The following NR5A1 variants were observed in gnomAD, a reference collection of about 807,000 sequenced individuals.
The protein encoded by NR5A1 is nuclear receptor subfamily 5 group A member 1.
NR5A1 carries 6 observed loss-of-function variants against 42.7 expected under a neutral mutation model. That is an observed-to-expected ratio of 0.14 (90% CI 0.08 to 0.28). The LOEUF is 0.28. Ranked by LOEUF, NR5A1 falls within the 10% of genes least tolerant of loss-of-function variation. The pLI is 1.00. For synonymous variants in NR5A1, 274 were observed against 277.5 expected (o/e 0.99, Z 0.12); for missense variants, 442 against 626.4 (o/e 0.71, Z 3.14).
intron 1 of NR5A1, among the ~76,000 whole-genome samples, chr9:124,505,150 C>T (rs1488148915): frequency 6.6e-6 from 1 of 152,212 alleles, no homozygotes; most frequent in African/African-American, 2.4e-5. Context: ...AGCCGCAGCC[C>T]GGCTCCCCGG....
At chr9:124,497,581 T>A (rs1832406450) in intron 4 of NR5A1, among the ~76,000 whole-genome samples, 1 of 152,160 alleles carries the variant, frequency 6.6e-6, no homozygotes, top group Admixed American at 6.5e-5. Context: ...CAAGATGTCA[T>A]CAGCATCAGA....
rs74535046 is a variant in NR5A1 at position 124,500,293 on chromosome 9, C to T, written c.667G>A (p.Val223Met). ...YPEPFSGGPN[V>M]PELILQLLQL... ...AGCAGCTGCAGGATGAGCTCAGGCA[C>T]GTTGGGCCCTCCAGAGAAGGGCTCT... The change falls in exon 4 of 7, where the codon GTG becomes ATG. Residue 223 changes from valine (V) to methionine (M), a missense_variant. By Grantham distance (21) the Val-to-Met change is conservative. This residue lies in a region of NR5A1 where 208 missense variants were observed against 203.8 expected (regional missense o/e 1.02). Coordinates refer to ENST00000373588, the MANE Select transcript of NR5A1 (RefSeq NM_004959.5). This position sits in a 1 kb window ranked among gnomAD's most constrained non-coding sequence, Gnocchi z 6.9. 73 of 1,568,180 alleles carry T rather than the reference C, an allele frequency of 4.7e-5. No individual in the cohort carries two copies. The highest frequency in any genetic ancestry group is 3.8e-4 in the African/African-American group (28 of 73,848).
At chr9:124,487,722 C>T (rs950591295) in intron 6 of NR5A1, among the ~76,000 whole-genome samples, 2 of 152,228 alleles carry the variant, frequency 1.3e-5, no homozygotes, top group Non-Finnish European at 2.9e-5. Flanking sequence ...TGCGCGCCAG[C>T]TGGAGGTCTG....
At chr9:124,502,233 C>A (rs188039763) in intron 3 of NR5A1, among the ~76,000 whole-genome samples, 1 of 152,206 alleles carries the variant, frequency 6.6e-6, no homozygotes, top group Non-Finnish European at 1.5e-5. Flanking sequence ...TTGCCTGCAC[C>A]GATCCCCACA....
intron 6 of NR5A1, 45 bp downstream of exon 6, chr9:124,491,036 C>CCCCCCCCCCCGG: frequency 7.1e-7 from 1 of 1,401,602 alleles, no homozygotes; most frequent in East Asian, 3.0e-5. Context: ...CCCACCCACC[C>CCCCCCCCCCCGG]GCCTCTGGCT....
In NR5A1 at chr9:124,493,034, T is replaced by C; in HGVS notation, c.986A>G (p.Gln329Arg). The change falls in exon 5 of 7, where the codon CAG becomes CGG. Residue 329 changes from glutamine (Q) to arginine (R), a missense_variant. Around this residue, in one of 3 missense-constraint regions of NR5A1, gnomAD observed 163 missense variants for 265.8 expected, o/e 0.61. Transcript: ENST00000373588. ...CGGGGCCGAGGGACTGGTCACCTCC[T>C]GCCCGGTGACCAGCAGGATGCTGCC... ...KEGSILLVTG[Q>R]EVELTTVATQ... is the part of the protein sequence containing the mutation. The C allele has an allele frequency of 6.3e-7, 1 of 1,598,366 alleles. No homozygotes were observed. The highest frequency in any genetic ancestry group is 8.5e-7 in the Non-Finnish European group (1 of 1,174,076).
In NR5A1 at chr9:124,500,454, A is replaced by C; in HGVS notation, c.506T>G (p.Leu169Arg). ...GTGGGCACCGGGCACGGCCATGGGC[A>C]GTGCTGGGGCCCCAAAGTCGCCCAG... is the stretch of plus-strand genomic sequence containing the variant. Reference protein sequence around the residue: ...GPLGDFGAPALPMAVPGAHGP... With the variant: ...GPLGDFGAPARPMAVPGAHGP... The change falls in exon 4 of 7, where the codon CTG becomes CGG. Residue 169 changes from leucine (L) to arginine (R), a missense_variant. Physicochemically the swap from Leu to Arg is moderately radical, Grantham distance 102. Coordinates refer to ENST00000373588, the MANE Select transcript of NR5A1 (RefSeq NM_004959.5). The surrounding 1 kb of genome is among the most constrained non-coding windows in gnomAD (Gnocchi z 6.9). 6.3e-7 allele frequency: 1 copy of C among 1,589,808 alleles called. No homozygotes were observed. Among genetic ancestry groups the C allele is most frequent in the Non-Finnish European group, 8.5e-7 (1 of 1,169,928 alleles).
At position 124,503,584 on chromosome 9, in the gene NR5A1, C is replaced by T. The variant is rs899310975; in HGVS notation, c.-15-174G>A. Among the ~76,000 whole-genome samples, 51 of 151,982 alleles carry T rather than the reference C, an allele frequency of 3.4e-4. No homozygotes were observed. Among genetic ancestry groups the T allele is most frequent in the Admixed American group, 2.0e-3 (30 of 15,266 alleles). On this transcript the variant is annotated intron_variant, in intron 1 of 6. Transcript: ENST00000373588. The surrounding 1 kb of genome is among the most constrained non-coding windows in gnomAD (Gnocchi z 9.6). The stretch of plus-strand genomic sequence containing the variant: ...GCAGCGTCCCGGGGTGGGTCCGGTG[C>T]AGTCCCCGCGCCCGGCCTTCCCCTG...
chr9:124,491,023 C>T, intron 6 of NR5A1, 58 bp downstream of exon 6: 1 of 605,570 alleles, frequency 1.7e-6, no homozygotes, highest in Non-Finnish European at 2.8e-6. Flanking sequence ...CCTCACCCAC[C>T]CTCCCACCCA....
At position 124,507,272 on chromosome 9, in the gene NR5A1, C is replaced by G. The variant is rs1832576891; in HGVS notation, c.-39G>C. ...ACGAAGCGGAAGCAGCGCTCTCACA[C>G]CGGATGAGGGTGGCAGTGGGCACCA... On this transcript the variant is annotated 5_prime_UTR_variant, in exon 1 of 7. Transcript: ENST00000373588. The G allele has an allele frequency of 1.3e-5, 2 of 152,582 alleles. No homozygotes were observed. Among genetic ancestry groups the G allele is most frequent in the Admixed American group, 6.5e-5 (1 of 15,286 alleles). The allele number at this position is 152,582 out of a possible 1,614,324, so 9.5% of individuals were successfully genotyped here.
Position 124,493,139 on chromosome 9 carries a change from T to C in NR5A1, c.881A>G (p.Gln294Arg), listed in dbSNP as rs955622755. 3 of 1,611,108 alleles carry C rather than the reference T, an allele frequency of 1.9e-6. No individual in the cohort carries two copies. The highest frequency in any genetic ancestry group is 1.3e-5 in the African/African-American group (1 of 74,930). ...MVFKELEVAD[Q>R]MTLLQNCWSE... ...CCAGCAGTTCTGCAGCAGCGTCATC[T>C]GGTCGGCCACCTGGAAGGAAGAGGC... The change falls in exon 5 of 7, where the codon CAG (glutamine) becomes CGG (arginine). Residue 294 changes from glutamine to arginine, a missense_variant. Gln to Arg is a conservative substitution (Grantham distance 43, BLOSUM62 1). This residue lies in a region of NR5A1 where 163 missense variants were observed against 265.8 expected (regional missense o/e 0.61). Transcript: ENST00000373588.
In NR5A1 at chr9:124,500,630, C is replaced by T; in HGVS notation, c.330G>A (p.Lys110=). Reference sequence around the variant, plus strand: ...TGAAGCCATTGGCCCGAATCTGTGCCTTCTTCTGCTGTTTCAGGGCCCGGT... The same window carrying T: ...TGAAGCCATTGGCCCGAATCTGTGCTTTCTTCTGCTGTTTCAGGGCCCGGT... The part of the protein sequence containing the change: ...KRDRALKQQK[K]AQIRANGFKL... Residue 110 remains lysine (K), a synonymous_variant, in exon 4 of 7, where the codon AAG becomes AAA. Coordinates refer to ENST00000373588, the MANE Select transcript of NR5A1 (RefSeq NM_004959.5). The surrounding 1 kb of genome is among the most constrained non-coding windows in gnomAD (Gnocchi z 6.9). 1 of 1,613,340 alleles carries T rather than the reference C, an allele frequency of 6.2e-7. No homozygotes were observed. Among genetic ancestry groups the T allele is most frequent in the Non-Finnish European group, 8.5e-7 (1 of 1,180,006 alleles).
In NR5A1 at chr9:124,501,147, T is replaced by C. The variant is rs575580802; in HGVS notation, c.245-432A>G. On this transcript the variant is annotated intron_variant, in intron 3 of 6. Coordinates refer to ENST00000373588, the MANE Select transcript of NR5A1 (RefSeq NM_004959.5). The surrounding 1 kb of genome is among the most constrained non-coding windows in gnomAD (Gnocchi z 4.1). ...GCCCTGTCCTTGCCCACTCTTATCA[T>C]GCTGAGTGGATCATGCCATGTGCTC... 2.9e-4 allele frequency among the ~76,000 whole-genome samples: 44 copies of C among 152,276 alleles called. 1 individual carries two copies. The highest frequency in any genetic ancestry group is 1.0e-3 in the African/African-American group (43 of 41,560).
chr9:124,505,393 A>C (rs879264849), intron 1 of NR5A1, among the ~76,000 whole-genome samples: 1 of 152,082 alleles, frequency 6.6e-6, no homozygotes, highest in South Asian at 2.1e-4. Flanking sequence ...TGGAAGCCAG[A>C]TTCTCCCATG....
In NR5A1 at chr9:124,491,085, G is replaced by C; in HGVS notation, c.1134C>G (p.Ser378Arg). ...TGTCACTGGAGCTGCACTCACCCAG[G>C]CTGAAGAGGATGATGAACTTGAGGC... ...FVCLKFIILF[S>R]LDLKFLNNHI... The change falls in exon 6 of 7, where the codon AGC becomes AGG. Residue 378 changes from serine to arginine, a missense_variant. Physicochemically the swap from Ser to Arg is moderately radical, Grantham distance 110 (BLOSUM62 -1). This residue lies in a region of NR5A1 where 163 missense variants were observed against 265.8 expected (regional missense o/e 0.61). Transcript: ENST00000373588. 1 of 1,349,830 alleles carries C rather than the reference G, an allele frequency of 7.4e-7. No homozygotes were observed. Among genetic ancestry groups the C allele is most frequent in the Non-Finnish European group, 9.8e-7 (1 of 1,015,868 alleles). 83.6% of individuals were successfully genotyped at this position (1,349,830 alleles called of 1,614,324 possible). A position where few individuals can be genotyped will look rare whatever the true frequency, so the allele number is the denominator to read the frequency against.
rs1461522909 is a variant in NR5A1, at chr9:124,500,066, A to T, written c.870+24T>A. The T allele has an allele frequency of 6.2e-7, 1 of 1,613,070 alleles. No homozygotes were observed. The highest frequency in any genetic ancestry group is 1.7e-5 in the Admixed American group (1 of 60,030). On this transcript the variant is annotated intron_variant, in intron 4 of 6. Coordinates refer to ENST00000373588, the MANE Select transcript of NR5A1 (RefSeq NM_004959.5). This position sits in a 1 kb window ranked among gnomAD's most constrained non-coding sequence, Gnocchi z 6.9. ...GCCGGGAGGACCATGATGCAGGGCC[A>T]GCCGGGCGGGAGGAGAGACTCACCT...
Position 124,482,637 on chromosome 9 carries a change from G to C in NR5A1, c.*121C>G. The C allele has an allele frequency of 3.4e-6, 4 of 1,187,556 alleles. No homozygotes were observed. In the South Asian group the frequency reaches 5.4e-5, roughly 16 times the overall value. The allele number at this position is 1,187,556 out of a possible 1,614,324, so 73.6% of individuals were successfully genotyped here. ...CAGGGGCAGCGGCCTCTGGGACGGG[G>C]CTGGGGCTCCTCGGTGGGCATCAGA... On this transcript the variant is annotated 3_prime_UTR_variant, in exon 7 of 7. Transcript: ENST00000373588.
At chr9:124,487,505 G>C (rs1009508281) in intron 6 of NR5A1, among the ~76,000 whole-genome samples, 1 of 152,264 alleles carries the variant, frequency 6.6e-6, no homozygotes. Context: ...ATTGCCAGGA[G>C]AGAGGCACTA....
At chr9:124,506,652 C>G (rs997770033) in intron 1 of NR5A1, among the ~76,000 whole-genome samples, 10 of 152,172 alleles carry the variant, frequency 6.6e-5, no homozygotes, top group African/African-American at 2.4e-4. Context: ...CCCCTCTCCC[C>G]AAGGGTTTCT....
Sources: gnomAD v4.1 joint callset for allele counts (sites outside exome capture counted in the v4.1 genomes callset) on GRCh38, gnomAD v4.1.1 for gene constraint, gnomAD v4.1.1 regional missense constraint, Gnocchi (gnomAD v3.1) non-coding constraint, MANE v1.5 for transcripts, NCBI Gene and HGNC (gene_info 2026-07-23, HGNC 2026-07-21) for gene names.